The following BABAM2 variants were observed in gnomAD, a reference collection of about 807,000 sequenced individuals.
BABAM2 encodes the protein BRISC and BRCA1 A complex member 2.
BABAM2 carries 31 observed loss-of-function variants against 54.7 expected under a neutral mutation model. The ratio of observed to expected loss-of-function variants is 0.57; its 90% CI spans 0.43 to 0.77. The LOEUF is 0.77. Ranked by LOEUF, BABAM2 falls within the 30% of genes least tolerant of loss-of-function variation. The probability of loss-of-function intolerance (pLI) is 0.00; values close to 1 mark genes in which losing one functional copy is unlikely to be tolerated. For synonymous variants in BABAM2, 167 were observed against 162.9 expected (o/e 1.03, Z -0.19); for missense variants, 364 against 455.8 (o/e 0.80, Z 1.83).
chr2:28,155,543 G>A (rs1249802830), intron 7 of BABAM2, among the ~76,000 whole-genome samples: 1 of 152,132 alleles, frequency 6.6e-6, no homozygotes, highest in African/African-American at 2.4e-5. Flanking sequence ...TGAGCTAAAA[G>A]TGCTGAGGTA....
chr2:28,228,378 A>T (rs1180667578), intron 7 of BABAM2, among the ~76,000 whole-genome samples: 1 of 152,224 alleles, frequency 6.6e-6, no homozygotes, highest in African/African-American at 2.4e-5. Flanking sequence ...ACATGTGTGC[A>T]GTGAGAAAGA....
chr2:28,327,210 G>T, intron 11 of BABAM2: 1 of 1,532,202 alleles, frequency 6.5e-7, no homozygotes, highest in South Asian at 1.3e-5. Flanking sequence ...GGACTACCCT[G>T]TCCCTCCCTC....
At chr2:28,222,263 T>G (rs946192660) in intron 7 of BABAM2, among the ~76,000 whole-genome samples, 1 of 152,094 alleles carries the variant, frequency 6.6e-6, no homozygotes, top group African/African-American at 2.4e-5. Context: ...AACTGAATCC[T>G]TACACCAAGA....
intron 5 of BABAM2, among the ~76,000 whole-genome samples, chr2:28,025,798 A>C (rs1675612236): frequency 6.6e-6 from 1 of 152,226 alleles, no homozygotes; most frequent in African/African-American, 2.4e-5. Flanking sequence ...CCAATATCCC[A>C]GTCAGGTAAG....
intron 6 of BABAM2, among the ~76,000 whole-genome samples, chr2:28,050,578 A>C (rs115527090): frequency 2.7e-3 from 408 of 152,332 alleles, no homozygotes; most frequent in Admixed American, 4.5e-3. Flanking sequence ...CCATAAAATG[A>C]TACTGGGATT....
At chr2:27,892,376 T>G (rs771928628) in intron 1 of BABAM2, 6 of 152,180 alleles carry the variant, frequency 3.9e-5, no homozygotes, top group Non-Finnish European at 5.9e-5. Context: ...GTTTCCTTCT[T>G]TTGTAGAAGC....
chr2:27,954,881 G>T (rs531445725), intron 3 of BABAM2, among the ~76,000 whole-genome samples: 23 of 152,276 alleles, frequency 1.5e-4, no homozygotes, highest in African/African-American at 5.5e-4. Context: ...GACAGCCTGT[G>T]AATCATTTAT....
At position 28,278,924 on chromosome 2, in the gene BABAM2, A is replaced by T. The variant is rs529369197; in HGVS notation, c.935-19414A>T. 2.0e-5 allele frequency among the ~76,000 whole-genome samples: 3 copies of T among 152,342 alleles called. No homozygotes were observed. In the East Asian group the frequency reaches 5.8e-4, roughly 29 times the overall value. On this transcript the variant is annotated intron_variant, in intron 10 of 11. Transcript: ENST00000379624. ...TGATGGTGTAGAAAAAGAAACACTC[A>T]TGCCTTAGAGTAGGCGGAAGCCAGA... is the stretch of plus-strand genomic sequence containing the variant.
intron 5 of BABAM2, among the ~76,000 whole-genome samples, chr2:28,040,294 C>CTTTTTTTTTTTTTTG (rs1676971597): frequency 1.7e-5 from 1 of 59,470 alleles, no homozygotes; most frequent in Non-Finnish European, 3.0e-5. Flanking sequence ...AAACTGAATT[C>CTTTTTTTTTTTTTTG]TTTTTTTTTT....
At chr2:28,062,082 AC>A (rs1678919357) in intron 6 of BABAM2, among the ~76,000 whole-genome samples, 1 of 151,998 alleles carries the variant, frequency 6.6e-6, no homozygotes, top group Non-Finnish European at 1.5e-5. Context: ...ACGTGGCAAA[AC>A]CCTTTCTCTA....
chr2:28,171,074 AGCATGCTGTACATACTACGTT>A (rs946368935), intron 7 of BABAM2, among the ~76,000 whole-genome samples: 1 of 151,758 alleles, frequency 6.6e-6, no homozygotes, highest in African/African-American at 2.4e-5. Context: ...TTTGGATGGT[AGCATGCTGTACATACTACGTT>A]GCAGTCTGCT....
intron 2 of BABAM2, among the ~76,000 whole-genome samples, chr2:27,924,903 A>T (rs370522696): frequency 2.0e-5 from 3 of 152,212 alleles, no homozygotes; most frequent in Admixed American, 2.0e-4. Context: ...AGAATGTAAC[A>T]TATCTTAAAT....
At chr2:27,967,146 G>A (rs772683679) in intron 3 of BABAM2, among the ~76,000 whole-genome samples, 3 of 152,142 alleles carry the variant, frequency 2.0e-5, no homozygotes, top group Non-Finnish European at 4.4e-5. Context: ...ACAAAAATTT[G>A]AGTACATATA....
At chr2:28,282,408 G>A (rs973110883) in intron 10 of BABAM2, among the ~76,000 whole-genome samples, 1 of 152,032 alleles carries the variant, frequency 6.6e-6, no homozygotes, top group African/African-American at 2.4e-5. Context: ...CTTGCCTATA[G>A]CAACCCCTGG....
At chr2:28,075,577 T>C (rs962172296) in intron 6 of BABAM2, among the ~76,000 whole-genome samples, 24 of 151,996 alleles carry the variant, frequency 1.6e-4, no homozygotes, top group Admixed American at 5.2e-4. Flanking sequence ...TGTGTGTGTG[T>C]GCGTGTGTGT....
chr2:28,021,902 T>A (rs906112773), intron 4 of BABAM2, among the ~76,000 whole-genome samples: 1 of 152,202 alleles, frequency 6.6e-6, no homozygotes, highest in Admixed American at 6.5e-5. Context: ...TTTCTCAGTG[T>A]TTTCCGTTTA....
rs181101449 is a variant in BABAM2, at chr2:28,097,922, T to A, written c.571-31349T>A. 9.5e-4 allele frequency among the ~76,000 whole-genome samples: 144 copies of A among 152,360 alleles called. 1 individual carries two copies. The highest frequency in any genetic ancestry group is 3.5e-3 in the Admixed American group (53 of 15,304). Reference sequence around the variant, plus strand: ...GTGTCCACCCTTTCATCTTTATTTCTGAATTCTATTTTGGGTTTTTTCTAT... The same window carrying A: ...GTGTCCACCCTTTCATCTTTATTTCAGAATTCTATTTTGGGTTTTTTCTAT... On this transcript the variant is annotated intron_variant, in intron 6 of 11. Transcript: ENST00000379624.
intron 7 of BABAM2, among the ~76,000 whole-genome samples, chr2:28,215,113 A>T (rs770579666): frequency 4.6e-5 from 7 of 152,090 alleles, no homozygotes; most frequent in Non-Finnish European, 7.4e-5. Context: ...AGCTTTGTAC[A>T]ATTTAATCCA....
intron 10 of BABAM2, among the ~76,000 whole-genome samples, chr2:28,278,402 C>A (rs1290978369): frequency 6.6e-6 from 1 of 152,080 alleles, no homozygotes; most frequent in Non-Finnish European, 1.5e-5. Flanking sequence ...TCTAGAAATA[C>A]TTCAGAGTAG....
Sources: allele counts gnomAD v4.1 joint callset (sites outside exome capture counted in the v4.1 genomes callset), GRCh38; gene constraint gnomAD v4.1.1; transcripts MANE v1.5; gene names NCBI Gene and HGNC (gene_info 2026-07-23, HGNC 2026-07-21).